Variants in ABLIM2 observed in about 807,000 individuals in gnomAD.
The protein encoded by ABLIM2 is actin binding LIM protein family member 2, also known as actin-binding LIM protein 2.
A neutral mutation model predicts 97.7 loss-of-function variants in ABLIM2; 53 were observed. The observed-to-expected ratio is 0.54, with a 90% CI of 0.44 to 0.68. The LOEUF (loss-of-function observed/expected upper bound fraction) is 0.68, where lower values mean the gene tolerates loss of function less well. ABLIM2 is among the 30% of genes least tolerant of loss of function. The probability of loss-of-function intolerance (pLI) is 0.00; values close to 1 mark genes in which losing one functional copy is unlikely to be tolerated. For synonymous variants in ABLIM2, 361 were observed against 345.8 expected (o/e 1.04, Z -0.49); for missense variants, 835 against 867.2 (o/e 0.96, Z 0.47).
chr4:8,003,158 A>G lies in ABLIM2; in HGVS notation c.1618+4901T>C, dbSNP rs567380881. Among the ~76,000 whole-genome samples, 83 of 152,342 alleles carry G rather than the reference A, an allele frequency of 5.4e-4. No individual in the cohort carries two copies. Among genetic ancestry groups the G allele is most frequent in the African/African-American group, 1.8e-3 (76 of 41,588 alleles). ...CCTTGGCTTACCACGGGCTCATCAT[A>G]TCCCATAAACCCAGTAAGATGAGAA... On this transcript the variant is annotated intron_variant, in intron 16 of 20. Transcript: ENST00000447017. This position sits in a 1 kb window ranked among gnomAD's most constrained non-coding sequence, Gnocchi z 4.2.
rs1310576368 is a variant in ABLIM2, at chr4:8,072,421, A to G, written c.675+5207T>C. Among the ~76,000 whole-genome samples the G allele has an allele frequency of 1.3e-5, 2 of 152,198 alleles. No individual in the cohort carries two copies. Among genetic ancestry groups the G allele is most frequent in the East Asian group, 1.9e-4 (1 of 5,190 alleles). On this transcript the variant is annotated intron_variant, in intron 6 of 20. Coordinates refer to ENST00000447017, the MANE Select transcript of ABLIM2 (RefSeq NM_001130083.2). The surrounding 1 kb of genome is among the most constrained non-coding windows in gnomAD (Gnocchi z 5.8). Reference sequence around the variant, plus strand: ...TGGGGTCTGCCCCCGACCCCAGGCCAGGGCCTCTCTGGTGTGGGGGCTGCT... The same window carrying G: ...TGGGGTCTGCCCCCGACCCCAGGCCGGGGCCTCTCTGGTGTGGGGGCTGCT...
rs956521593 is a variant in ABLIM2, at chr4:8,023,928, C to T, written c.1268-3625G>A. Among the ~76,000 whole-genome samples, 3 of 152,158 alleles carry T rather than the reference C, an allele frequency of 2.0e-5. No homozygotes were observed. The highest frequency in any genetic ancestry group is 2.1e-4 in the South Asian group (1 of 4,830). On this transcript the variant is annotated intron_variant, in intron 12 of 20. Transcript: ENST00000447017. The surrounding 1 kb of genome is among the most constrained non-coding windows in gnomAD (Gnocchi z 5.7). ...CTGTGGAGCCTCCTCCAGGTGACAC[C>T]GCAGAGAGGCCAGCTGGTGGCCACG...
rs1236607208 is a variant in ABLIM2 at position 8,043,388 on chromosome 4, C to G, written c.900+1776G>C. ...CATGATAATTGTCATAATCATTATT[C>G]ATGAGGATGATGATGGTATTATGGA... is the stretch of plus-strand genomic sequence containing the variant. On this transcript the variant is annotated intron_variant, in intron 9 of 20. Transcript: ENST00000447017. The surrounding 1 kb of genome is among the most constrained non-coding windows in gnomAD (Gnocchi z 4.8). Among the ~76,000 whole-genome samples the G allele has an allele frequency of 1.3e-5, 2 of 152,150 alleles. No individual in the cohort carries two copies. Among genetic ancestry groups the G allele is most frequent in the Non-Finnish European group, 1.5e-5 (1 of 68,034 alleles).
In ABLIM2 at chr4:8,122,163, A is replaced by T. The variant is rs1255691364; in HGVS notation, c.11-15526T>A. Among the ~76,000 whole-genome samples, 2 of 152,022 alleles carry T rather than the reference A, an allele frequency of 1.3e-5. No individual in the cohort carries two copies. Among genetic ancestry groups the T allele is most frequent in the African/African-American group, 2.4e-5 (1 of 41,392 alleles). On this transcript the variant is annotated intron_variant, in intron 1 of 20. Coordinates refer to ENST00000447017, the MANE Select transcript of ABLIM2 (RefSeq NM_001130083.2). This position sits in a 1 kb window ranked among gnomAD's most constrained non-coding sequence, Gnocchi z 4.1. ...CCCACTCCTCCCCAGGCCTTTGAAG[A>T]TGGGGCCACAGCCTTGACCTGGAGA...
At position 8,043,950 on chromosome 4, in the gene ABLIM2, G is replaced by T. The variant is rs963748274; in HGVS notation, c.900+1214C>A. 6.6e-6 allele frequency among the ~76,000 whole-genome samples: 1 copy of T among 152,018 alleles called. No homozygotes were observed. Among genetic ancestry groups the T allele is most frequent in the Non-Finnish European group, 1.5e-5 (1 of 67,998 alleles). The stretch of plus-strand genomic sequence containing the variant: ...TGCAGCCAACCTGGTGCCTTCATGC[G>T]CCCGCCTAAGCTTCAGAGTGCACAT... On this transcript the variant is annotated intron_variant, in intron 9 of 20. Transcript: ENST00000447017. The surrounding 1 kb of genome is among the most constrained non-coding windows in gnomAD (Gnocchi z 4.8).
chr4:8,030,392 C>A (rs1488170596), intron 10 of ABLIM2, among the ~76,000 whole-genome samples: 1 of 152,196 alleles, frequency 6.6e-6, no homozygotes, highest in African/African-American at 2.4e-5. Context: ...GCCTGGCCCA[C>A]CACAGCTTGG....
At position 8,121,332 on chromosome 4, in the gene ABLIM2, C is replaced by T. The variant is rs886330222; in HGVS notation, c.11-14695G>A. 9.2e-5 allele frequency among the ~76,000 whole-genome samples: 14 copies of T among 152,350 alleles called. 1 individual carries two copies. In the East Asian group the frequency reaches 1.4e-3, roughly 15 times the overall value. On this transcript the variant is annotated intron_variant, in intron 1 of 20. Transcript: ENST00000447017. Reference sequence around the variant, plus strand: ...AGGCTGGCTGTGGGCTCCGGGCAGACGCCAGCCCAGCTCCTGCTGCTTCCA... The same window carrying T: ...AGGCTGGCTGTGGGCTCCGGGCAGATGCCAGCCCAGCTCCTGCTGCTTCCA...
At chr4:8,144,702 AC>A (rs1851517678) in intron 1 of ABLIM2, among the ~76,000 whole-genome samples, 1 of 152,070 alleles carries the variant, frequency 6.6e-6, no homozygotes, top group African/African-American at 2.4e-5. Context: ...ACAGCTCCCC[AC>A]CCCACCACCT....
chr4:8,145,770 A>T (rs1423104157), intron 1 of ABLIM2, among the ~76,000 whole-genome samples: 1 of 149,258 alleles, frequency 6.7e-6, no homozygotes, highest in Non-Finnish European at 1.5e-5. Flanking sequence ...ACACACACAC[A>T]CACACACACA....
At chr4:7,972,304 G>T (rs1728765101) in intron 20 of ABLIM2, among the ~76,000 whole-genome samples, 1 of 152,182 alleles carries the variant, frequency 6.6e-6, no homozygotes, top group African/African-American at 2.4e-5. Context: ...TACTGTGAAA[G>T]CCCAGGGGAA....
rs557488271 is a variant in ABLIM2, at chr4:8,072,620, G to C, written c.675+5008C>G. 6.6e-6 allele frequency among the ~76,000 whole-genome samples: 1 copy of C among 152,340 alleles called. No homozygotes were observed. The highest frequency in any genetic ancestry group is 2.4e-5 in the African/African-American group (1 of 41,594). ...ATCTGTGCACCAGGAGAAGACAAAGGGTTGGGGGAAACCTGCGCACCCCGG... is the reference window on the plus strand; with the variant it reads ...ATCTGTGCACCAGGAGAAGACAAAGCGTTGGGGGAAACCTGCGCACCCCGG... On this transcript the variant is annotated intron_variant, in intron 6 of 20. Transcript: ENST00000447017. This position sits in a 1 kb window ranked among gnomAD's most constrained non-coding sequence, Gnocchi z 5.8.
At chr4:8,039,208 G>A (rs910669230) in intron 9 of ABLIM2, among the ~76,000 whole-genome samples, 27 of 152,160 alleles carry the variant, frequency 1.8e-4, no homozygotes, top group African/African-American at 5.8e-4. Flanking sequence ...AAAGTCAGGT[G>A]AACTCTCAGC....
intron 1 of ABLIM2, among the ~76,000 whole-genome samples, chr4:8,134,384 C>T (rs1578447598): frequency 1.3e-5 from 2 of 152,118 alleles, no homozygotes; most frequent in South Asian, 2.1e-4. Flanking sequence ...AGGAGGCACT[C>T]GCCCAGGCCG....
At chr4:8,030,507 C>T (rs575477054) in intron 10 of ABLIM2, among the ~76,000 whole-genome samples, 4 of 152,300 alleles carry the variant, frequency 2.6e-5, no homozygotes, top group South Asian at 4.1e-4. Context: ...AAGGAATTCC[C>T]GGTCTGGGCC....
intron 12 of ABLIM2, among the ~76,000 whole-genome samples, chr4:8,025,050 C>G (rs1448977858): frequency 1.3e-5 from 2 of 152,220 alleles, no homozygotes; most frequent in Admixed American, 6.5e-5. Context: ...CCGCCTCAGC[C>G]TCCCTAATAG....
rs567018094 is a variant in ABLIM2 at position 7,993,103 on chromosome 4, G to A, written c.1619-176C>T. ...ACCTTCTGTTCCCAGGGCGCTGACC[G>A]AGGAGGAAGCCACAGAGGGGTAATG... On this transcript the variant is annotated intron_variant, in intron 16 of 20. Transcript: ENST00000447017. Among the ~76,000 whole-genome samples, 211 of 152,316 alleles carry A rather than the reference G, an allele frequency of 1.4e-3. 3 individuals carry two copies. Among genetic ancestry groups the A allele is most frequent in the African/African-American group, 4.6e-3 (191 of 41,578 alleles).
At chr4:8,029,400 C>T (rs1044954611) in intron 11 of ABLIM2, among the ~76,000 whole-genome samples, 12 of 152,286 alleles carry the variant, frequency 7.9e-5, no homozygotes, top group African/African-American at 2.4e-4. Flanking sequence ...GTGTGCTCCA[C>T]GGAGGGCTCC....
chr4:7,966,761 C>T lies in ABLIM2; in HGVS notation c.*229G>A. On this transcript the variant is annotated 3_prime_UTR_variant, in exon 21 of 21. Transcript: ENST00000447017. ...CCACTCTACAGCCTCTCCCTGACAC[C>T]AAGCCACAGCGGGGAAGGGTGGCGT... is the stretch of plus-strand genomic sequence containing the variant. The T allele has an allele frequency of 1.8e-6, 1 of 548,902 alleles. No homozygotes were observed. Among genetic ancestry groups the T allele is most frequent in the African/African-American group, 1.9e-5 (1 of 53,092 alleles). 34.0% of individuals were successfully genotyped at this position (548,902 alleles called of 1,614,324 possible).
intron 14 of ABLIM2, among the ~76,000 whole-genome samples, chr4:8,016,449 C>G (rs1187813845): frequency 7.9e-5 from 12 of 152,162 alleles, no homozygotes; most frequent in Admixed American, 7.9e-4. Flanking sequence ...CTCCCTGAAA[C>G]AGCCTCAAAG....
Sources: allele counts gnomAD v4.1 joint callset (sites outside exome capture counted in the v4.1 genomes callset), GRCh38; gene constraint gnomAD v4.1.1; non-coding constraint Gnocchi (gnomAD v3.1); transcripts MANE v1.5; gene names NCBI Gene and HGNC (gene_info 2026-07-23, HGNC 2026-07-21).